The following TRIM37 variants were observed in gnomAD, a reference collection of about 807,000 sequenced individuals.
TRIM37 encodes E3 ubiquitin-protein ligase TRIM37.
TRIM37 carries 80 observed loss-of-function variants against 129.8 expected under a neutral mutation model. That is an observed-to-expected ratio of 0.62 (90% confidence interval 0.51 to 0.74). The LOEUF (loss-of-function observed/expected upper bound fraction) is 0.74, where lower values mean the gene tolerates loss of function less well. TRIM37 is among the 30% of genes least tolerant of loss of function. The probability of loss-of-function intolerance (pLI) is 0.00; values close to 1 mark genes in which losing one functional copy is unlikely to be tolerated. For missense variants in TRIM37, 1,054 were observed against 1,176.5 expected (o/e 0.90, Z 1.52); for synonymous variants, 389 against 387.1 (o/e 1.00, Z -0.06).
chr17:59,049,536 A>G, intron 14 of TRIM37, 143 bp from the exon 15 acceptor site: 1 of 795,202 alleles, frequency 1.3e-6, no homozygotes, highest in South Asian at 1.5e-5. Context: ...TCTGTTGCCC[A>G]GGCTGAAGTG....
chr17:59,032,238 A>G (rs1555653369), intron 17 of TRIM37, 148 bp from the exon 18 acceptor site: 14 of 953,816 alleles, frequency 1.5e-5, no homozygotes, highest in South Asian at 8.5e-5. Context: ...AGAAAGAAGG[A>G]ACCAGGGCCG....
At chr17:59,007,561 CAAG>C (rs1415687817) in intron 22 of TRIM37, among the ~76,000 whole-genome samples, 3 of 152,004 alleles carry the variant, frequency 2.0e-5, no homozygotes, top group Non-Finnish European at 4.4e-5. Context: ...GCTACTTCAG[CAAG>C]AAGTCAGAGA....
intron 16 of TRIM37, 94 bp from the exon 17 acceptor site, chr17:59,041,992 G>A: frequency 2.4e-6 from 2 of 845,188 alleles, no homozygotes; most frequent in South Asian, 1.4e-5. Flanking sequence ...AGATTTTTCT[G>A]TGAAATAAGA....
chr17:59,055,685 CA>C (rs934273591), intron 13 of TRIM37, among the ~76,000 whole-genome samples: 1,500 of 23,894 alleles, frequency 0.063, 1 homozygote, highest in African/African-American at 0.13. Context: ...GACTCCATCT[CA>C]AAAAAAAAAA....
chr17:58,969,652 C>T, the TRIM37 span: 1 of 1,614,164 alleles, frequency 6.2e-7, no homozygotes, highest in Non-Finnish European at 8.5e-7. Flanking sequence ...AGATGTTCCC[C>T]CATGATCCTG....
downstream of TRIM37, among the ~76,000 whole-genome samples, chr17:58,993,437 C>T (rs2032652273): frequency 6.6e-6 from 1 of 152,232 alleles, no homozygotes; most frequent in Admixed American, 6.5e-5. Context: ...GGTATATCCA[C>T]ACAGTGGACT....
intron 15 of TRIM37, 145 bp from the exon 16 acceptor site, chr17:59,047,964 CT>C (rs1214983244): frequency 5.5e-6 from 5 of 916,534 alleles, no homozygotes; most frequent in Non-Finnish European, 8.5e-6. Context: ...CTGCTGAGCC[CT>C]GTAGAGAAAA....
chr17:59,001,792 T>A (rs1055879881), intron 22 of TRIM37, 78 bp from the exon 23 acceptor site: 113 of 1,557,228 alleles, frequency 7.3e-5, no homozygotes, highest in Non-Finnish European at 4.4e-5. Flanking sequence ...CCGTATCTGC[T>A]AAACTGAGAT....
Position 59,032,685 on chromosome 17 carries a change from T to G in TRIM37, c.1754-595A>C, listed in dbSNP as rs570990900. Among the ~76,000 whole-genome samples the G allele has an allele frequency of 8.5e-5, 13 of 152,168 alleles. No homozygotes were observed. The South Asian group carries it at 2.1e-3, about 24-fold the overall frequency. On this transcript the variant is annotated intron_variant, in intron 17 of 23. Transcript: ENST00000262294. ...AAAACAGATGACAATGTGTACGATG[T>G]GCACAATTGGGGGGATGAGAGGTAA...
intron 19 of TRIM37, among the ~76,000 whole-genome samples, chr17:59,028,076 G>A (rs1487356271): frequency 3.9e-5 from 6 of 151,972 alleles, no homozygotes; most frequent in Non-Finnish European, 8.8e-5. Flanking sequence ...CCCACTCCTC[G>A]GTTGTTTCCT....
the TRIM37 span, chr17:58,969,789 G>A: frequency 1.4e-6 from 2 of 1,473,748 alleles, no homozygotes; most frequent in African/African-American, 2.8e-5. Context: ...TTTGGTCTGT[G>A]TGGTTAAAGG....
downstream of TRIM37, chr17:58,981,108 CT>C (rs1192003492): frequency 9.8e-7 from 1 of 1,023,302 alleles, no homozygotes; most frequent in Non-Finnish European, 1.4e-6. Flanking sequence ...GTAGACATTT[CT>C]AAAACATATG....
the TRIM37 span, chr17:58,972,080 T>C: frequency 6.5e-7 from 1 of 1,539,274 alleles, no homozygotes; most frequent in South Asian, 1.2e-5. Context: ...TCAATAAGAA[T>C]GTAGTATCTA....
At chr17:59,050,406 T>C (rs2040222017) in intron 14 of TRIM37, among the ~76,000 whole-genome samples, 2 of 152,148 alleles carry the variant, frequency 1.3e-5, no homozygotes, top group African/African-American at 4.8e-5. Flanking sequence ...TAAGCTAAAT[T>C]TACAGACCAG....
At chr17:59,048,831 A>G (rs1018433851) in intron 15 of TRIM37, among the ~76,000 whole-genome samples, 1 of 152,192 alleles carries the variant, frequency 6.6e-6, no homozygotes, top group Non-Finnish European at 1.5e-5. Context: ...TCCTGACCTC[A>G]TGTGATCCAC....
At chr17:59,079,985 G>T (rs1338327551) in intron 6 of TRIM37, 108 bp from the exon 7 acceptor site, 3 of 1,320,334 alleles carry the variant, frequency 2.3e-6, no homozygotes, top group Non-Finnish European at 3.2e-6. Flanking sequence ...GTAGTTAGAG[G>T]AAGGTCAAAT....
chr17:59,033,619 C>T (rs951663034), intron 17 of TRIM37, among the ~76,000 whole-genome samples: 2 of 151,992 alleles, frequency 1.3e-5, no homozygotes, highest in South Asian at 4.2e-4. Context: ...GGGGTTTCAC[C>T]GTGTTAGGAT....
At chr17:58,989,344 G>A (rs1018670653) in intron 24 of TRIM37, among the ~76,000 whole-genome samples, 5 of 152,152 alleles carry the variant, frequency 3.3e-5, no homozygotes, top group Non-Finnish European at 7.3e-5. Context: ...GCTGAGGCAG[G>A]AGAATCGCTT....
intron 17 of TRIM37, among the ~76,000 whole-genome samples, chr17:59,037,557 C>CAAAAAAAAAAAAAAAA (rs58856834): frequency 9.5e-5 from 7 of 73,996 alleles, no homozygotes; most frequent in African/African-American, 1.5e-4. Flanking sequence ...GACTCTGTCT[C>CAAAAAAAAAAAAAAAA]AAAAAAAAAA....
Sources: gnomAD v4.1 joint callset for allele counts (sites outside exome capture counted in the v4.1 genomes callset) on GRCh38, gnomAD v4.1.1 for gene constraint, MANE v1.5 for transcripts, NCBI Gene and HGNC (gene_info 2026-07-23, HGNC 2026-07-21) for gene names.